Variants in ROBO2 observed in about 807,000 individuals in gnomAD.
ROBO2 encodes the protein roundabout guidance receptor 2.
In ROBO2, 53 loss-of-function variants were observed where a neutral mutation model predicts 160.8. The ratio of observed to expected loss-of-function variants is 0.33; its 90% CI spans 0.26 to 0.41. The LOEUF is 0.41. ROBO2 is among the 10% of genes least tolerant of loss of function. The pLI, the probability that ROBO2 is intolerant of heterozygous loss-of-function variation, is 1.00. For synonymous variants in ROBO2, 664 were observed against 611.7 expected (o/e 1.09, Z -1.26); for missense variants, 1,577 against 1,722.4 (o/e 0.92, Z 1.49).
chr3:77,535,169 G>C (rs1265497700), intron 6 of ROBO2, among the ~76,000 whole-genome samples: 1 of 151,544 alleles, frequency 6.6e-6, no homozygotes, highest in Non-Finnish European at 1.5e-5. Flanking sequence ...TTCAGCATCA[G>C]TACATTTGTT....
chr3:77,360,256 C>T (rs987528805), intron 2 of ROBO2, among the ~76,000 whole-genome samples: 5 of 150,678 alleles, frequency 3.3e-5, no homozygotes, highest in African/African-American at 4.9e-5. Flanking sequence ...AATGCAACCC[C>T]CCCCCCAAAT....
At chr3:76,888,332 C>A (rs2074071497) in intron 2 of ROBO2, among the ~76,000 whole-genome samples, 1 of 152,140 alleles carries the variant, frequency 6.6e-6, no homozygotes, top group Non-Finnish European at 1.5e-5. Context: ...CACGGCCCTG[C>A]ACTCCAGCCT....
At chr3:77,330,370 T>G (rs1415084627) in intron 2 of ROBO2, among the ~76,000 whole-genome samples, 2 of 152,126 alleles carry the variant, frequency 1.3e-5, no homozygotes, top group Non-Finnish European at 2.9e-5. Context: ...ATACAAAAAT[T>G]AGTCTGGTGT....
At chr3:76,222,451 A>G (rs1024602213) in intron 2 of ROBO2, among the ~76,000 whole-genome samples, 2 of 152,206 alleles carry the variant, frequency 1.3e-5, no homozygotes, top group Non-Finnish European at 2.9e-5. Context: ...GCATAATTCC[A>G]GGGTCTTGTG....
chr3:76,780,243 G>A (rs1327968555), intron 2 of ROBO2, among the ~76,000 whole-genome samples: 8 of 148,732 alleles, frequency 5.4e-5, no homozygotes, highest in Non-Finnish European at 1.1e-4. Flanking sequence ...CATGTTCTTC[G>A]CCTATTTTTT....
At chr3:76,704,619 A>G (rs2093120568) in intron 2 of ROBO2, among the ~76,000 whole-genome samples, 1 of 152,134 alleles carries the variant, frequency 6.6e-6, no homozygotes, top group Non-Finnish European at 1.5e-5. Flanking sequence ...CTTCCTTTCC[A>G]TGCTTGGGTC....
At chr3:75,925,286 C>T (rs1386350762) in intron 1 of ROBO2, among the ~76,000 whole-genome samples, 1 of 144,964 alleles carries the variant, frequency 6.9e-6, no homozygotes, top group Non-Finnish European at 1.6e-5. Flanking sequence ...CTGGCTACTC[C>T]GGAGGCTGCG....
intron 2 of ROBO2, among the ~76,000 whole-genome samples, chr3:76,176,372 C>T (rs1553666808): frequency 6.6e-6 from 1 of 151,244 alleles, no homozygotes; most frequent in Non-Finnish European, 1.5e-5. Context: ...GCTCCAAGGA[C>T]AGGGATAAAT....
intron 24 of ROBO2, among the ~76,000 whole-genome samples, chr3:77,640,083 A>G (rs895868162): frequency 1.4e-5 from 2 of 147,086 alleles, no homozygotes; most frequent in African/African-American, 5.0e-5. Context: ...GAGAAGAAAC[A>G]CTGCAGAGGA....
chr3:76,935,381 A>G (rs2077631966), intron 2 of ROBO2, among the ~76,000 whole-genome samples: 1 of 152,178 alleles, frequency 6.6e-6, no homozygotes, highest in Non-Finnish European at 1.5e-5. Context: ...ACAAACCTAC[A>G]GACCTAATTT....
intron 1 of ROBO2, among the ~76,000 whole-genome samples, chr3:77,059,903 C>T (rs1178408750): frequency 6.6e-6 from 1 of 152,078 alleles, no homozygotes; most frequent in Non-Finnish European, 1.5e-5. Context: ...TGGCTGCACA[C>T]ATACATTTGA....
At chr3:77,477,629 A>G (rs1467680120) in intron 3 of ROBO2, 58 bp downstream of exon 3, 2 of 1,445,174 alleles carry the variant, frequency 1.4e-6, no homozygotes, top group South Asian at 2.3e-5. Flanking sequence ...CAAAATACAA[A>G]ATAGATGTAT....
intron 2 of ROBO2, among the ~76,000 whole-genome samples, chr3:77,382,165 GC>G (rs1166258806): frequency 3.3e-5 from 5 of 152,118 alleles, no homozygotes; most frequent in Non-Finnish European, 7.4e-5. Flanking sequence ...TGGCAGAGCT[GC>G]CCATTGAGTA....
intron 2 of ROBO2, among the ~76,000 whole-genome samples, chr3:76,360,700 C>G (rs2075461244): frequency 6.6e-6 from 1 of 152,012 alleles, no homozygotes; most frequent in Non-Finnish European, 1.5e-5. Flanking sequence ...TGATCTAGTT[C>G]TGGTCAACGG....
intron 2 of ROBO2, among the ~76,000 whole-genome samples, chr3:76,333,579 G>T (rs1275255897): frequency 1.3e-5 from 2 of 152,124 alleles, no homozygotes. Flanking sequence ...TTGCTATAAA[G>T]AGTTGTTTAT....
At chr3:76,080,792 T>C (rs1288284330) in intron 2 of ROBO2, among the ~76,000 whole-genome samples, 1 of 152,210 alleles carries the variant, frequency 6.6e-6, no homozygotes, top group East Asian at 1.9e-4. Context: ...TATGAGTCTT[T>C]ATGCAAACAA....
intron 2 of ROBO2, among the ~76,000 whole-genome samples, chr3:76,893,311 A>AACACACACAC (rs112654771): frequency 7.4e-5 from 11 of 149,212 alleles, no homozygotes; most frequent in African/African-American, 2.7e-4. Flanking sequence ...TTTTCAAGTG[A>AACACACACAC]ACACACACAC....
chr3:77,283,562 G>A (rs1258066057), intron 2 of ROBO2, among the ~76,000 whole-genome samples: 1 of 152,010 alleles, frequency 6.6e-6, no homozygotes, highest in Non-Finnish European at 1.5e-5. Context: ...AATGATCAAA[G>A]TTACATATTT....
intron 2 of ROBO2, among the ~76,000 whole-genome samples, chr3:75,969,142 A>G (rs919084073): frequency 6.7e-6 from 1 of 148,396 alleles, no homozygotes; most frequent in Non-Finnish European, 1.5e-5. Flanking sequence ...TATATATATA[A>G]TATTTATATT....
Sources: allele counts gnomAD v4.1 joint callset (sites outside exome capture counted in the v4.1 genomes callset), GRCh38; gene constraint gnomAD v4.1.1; transcripts MANE v1.5; gene names NCBI Gene and HGNC (gene_info 2026-07-23, HGNC 2026-07-21).